The following KCNN2 variants were observed in gnomAD, a reference collection of about 807,000 sequenced individuals.
KCNN2 encodes the protein small conductance calcium-activated potassium channel protein 2.
Under a neutral mutation model 55.5 loss-of-function variants are expected in KCNN2, and 24 were observed. The ratio of observed to expected loss-of-function variants is 0.43; its 90% CI spans 0.31 to 0.61. KCNN2 has a LOEUF of 0.61. KCNN2 is among the 20% of genes least tolerant of loss of function. KCNN2 has a pLI of 0.08. For synonymous variants in KCNN2, 431 were observed against 336.1 expected, an observed-to-expected ratio of 1.28 and a Z score of -3.09; for missense variants, 754 against 853.6, an observed-to-expected ratio of 0.88 and a Z score of 1.45.
chr5:114,355,336 G>A (rs1038462577), intron 2 of KCNN2, among the ~76,000 whole-genome samples: 1 of 152,142 alleles, frequency 6.6e-6, no homozygotes, highest in African/African-American at 2.4e-5. Context: ...TATATCTTGT[G>A]CCCTAACACT....
At chr5:114,085,600 T>A (rs1561469008) in intron 1 of KCNN2, among the ~76,000 whole-genome samples, 1 of 151,998 alleles carries the variant, frequency 6.6e-6, no homozygotes, top group Non-Finnish European at 1.5e-5. Context: ...TTCTGTTGTA[T>A]AAAAAACACA....
chr5:114,098,694 TTC>T, intron 1 of KCNN2, among the ~76,000 whole-genome samples: 1 of 152,252 alleles, frequency 6.6e-6, no homozygotes, highest in South Asian at 2.1e-4. Flanking sequence ...TCTACCACAC[TTC>T]TCTTTTATGG....
intron 3 of KCNN2, among the ~76,000 whole-genome samples, chr5:114,414,230 A>G (rs1255330031): frequency 6.6e-6 from 1 of 152,216 alleles, no homozygotes; most frequent in Non-Finnish European, 1.5e-5. Context: ...AAGACATTTT[A>G]TATCTTGCTG....
At chr5:114,102,430 C>G (rs557869743) in intron 1 of KCNN2, among the ~76,000 whole-genome samples, 8 of 152,100 alleles carry the variant, frequency 5.3e-5, no homozygotes, top group Non-Finnish European at 1.0e-4. Flanking sequence ...TGCAGAAGCT[C>G]TTTAGTTTAA....
intron 2 of KCNN2, among the ~76,000 whole-genome samples, chr5:114,322,977 G>A (rs1756640200): frequency 6.6e-6 from 1 of 152,116 alleles, no homozygotes; most frequent in Non-Finnish European, 1.5e-5. Flanking sequence ...CCGTCAAGTA[G>A]ACTCCAGTGT....
chr5:114,111,571 C>G (rs1751598358), intron 1 of KCNN2, among the ~76,000 whole-genome samples: 1 of 151,986 alleles, frequency 6.6e-6, no homozygotes, highest in African/African-American at 2.4e-5. Flanking sequence ...AAAATTTTTG[C>G]AATCTATCCA....
At chr5:114,298,411 A>C (rs1756079907) in intron 2 of KCNN2, among the ~76,000 whole-genome samples, 1 of 152,124 alleles carries the variant, frequency 6.6e-6, no homozygotes, top group Non-Finnish European at 1.5e-5. Context: ...TCTTCTCCTC[A>C]CTCAGCCAGG....
chr5:114,101,574 G>A (rs1380144663), intron 1 of KCNN2, among the ~76,000 whole-genome samples: 1 of 151,704 alleles, frequency 6.6e-6, no homozygotes, highest in East Asian at 1.9e-4. Flanking sequence ...TCCTAATGCT[G>A]TCCCTCCCCT....
chr5:114,068,802 CTTTCTT>C (rs371167139), intron 1 of KCNN2, among the ~76,000 whole-genome samples: 79 of 151,942 alleles, frequency 5.2e-4, no homozygotes, highest in African/African-American at 9.9e-4. Flanking sequence ...CTCTCTTTTC[CTTTCTT>C]TTTCTTTTTC....
chr5:114,065,952 T>C (rs1750439865), intron 1 of KCNN2, among the ~76,000 whole-genome samples: 1 of 145,716 alleles, frequency 6.9e-6, no homozygotes, highest in South Asian at 2.3e-4. Context: ...GACTGGGTGG[T>C]TCCTAAATAT....
intron 1 of KCNN2, among the ~76,000 whole-genome samples, chr5:114,112,489 A>C (rs777612632): frequency 3.9e-5 from 6 of 152,238 alleles, no homozygotes; most frequent in African/African-American, 1.4e-4. Flanking sequence ...AAAATACATA[A>C]ATAAATAAAA....
chr5:114,385,408 G>A (rs951719883), intron 2 of KCNN2, among the ~76,000 whole-genome samples: 7 of 151,944 alleles, frequency 4.6e-5, no homozygotes, highest in African/African-American at 1.5e-4. Context: ...ATAGTGTTGT[G>A]CCCTGTGAAA....
intron 2 of KCNN2, among the ~76,000 whole-genome samples, chr5:114,222,934 A>T (rs1754170599): frequency 6.6e-6 from 1 of 152,114 alleles, no homozygotes; most frequent in Non-Finnish European, 1.5e-5. Flanking sequence ...TTATATTTAA[A>T]CGCTTAATCT....
intron 2 of KCNN2, among the ~76,000 whole-genome samples, chr5:114,315,669 TTTTGTTGGA>T (rs1261714199): frequency 2.0e-5 from 3 of 152,262 alleles, no homozygotes; most frequent in African/African-American, 7.2e-5. Context: ...GATTTCTTTA[TTTTGTTGGA>T]TTTGTTGGAT....
At chr5:114,157,306 T>C (rs1451291638) in intron 1 of KCNN2, among the ~76,000 whole-genome samples, 11 of 152,114 alleles carry the variant, frequency 7.2e-5, no homozygotes, top group Admixed American at 7.2e-4. Context: ...GTTTCCAGCT[T>C]CATCCATGTC....
chr5:114,457,265 A>G (rs139205216), intron 3 of KCNN2, among the ~76,000 whole-genome samples: 2 of 152,200 alleles, frequency 1.3e-5, no homozygotes, highest in African/African-American at 2.4e-5. Flanking sequence ...CAGAAAAAAG[A>G]TTATGACTCA....
At chr5:114,135,885 TA>T (rs1196486646) in intron 1 of KCNN2, among the ~76,000 whole-genome samples, 2 of 152,148 alleles carry the variant, frequency 1.3e-5, no homozygotes, top group Admixed American at 6.5e-5. Flanking sequence ...AATTAATATA[TA>T]CGTGTGGAAA....
intron 7 of KCNN2, 61 bp downstream of exon 7, chr5:114,493,533 A>G: frequency 9.0e-7 from 1 of 1,114,274 alleles, no homozygotes; most frequent in African/African-American, 1.5e-5. Context: ...CTTCACAGTC[A>G]CTAATCATGA....
intron 1 of KCNN2, among the ~76,000 whole-genome samples, chr5:114,063,428 T>G (rs538470408): frequency 6.6e-6 from 1 of 152,268 alleles, no homozygotes; most frequent in South Asian, 2.1e-4. Context: ...GCTTCTTAAA[T>G]TCATGGTTTT....
Sources: gnomAD v4.1 joint callset for allele counts (sites outside exome capture counted in the v4.1 genomes callset) on GRCh38, gnomAD v4.1.1 for gene constraint, MANE v1.5 for transcripts, NCBI Gene and HGNC (gene_info 2026-07-23, HGNC 2026-07-21) for gene names.